MYCBP2: variants seen among roughly 807,000 people sequenced by gnomAD.
The protein encoded by MYCBP2 is MYC binding protein 2, also known as E3 ubiquitin-protein ligase MYCBP2.
MYCBP2 carries 120 observed loss-of-function variants against 525.3 expected under a neutral mutation model. That is an observed-to-expected ratio of 0.23 (90% CI 0.20 to 0.27). The LOEUF (loss-of-function observed/expected upper bound fraction) is 0.27, where lower values mean the gene tolerates loss of function less well. Ranked by LOEUF, MYCBP2 falls within the 10% of genes least tolerant of loss-of-function variation. The probability of loss-of-function intolerance (pLI) is 1.00; values close to 1 mark genes in which losing one functional copy is unlikely to be tolerated. For missense variants in MYCBP2, 4,149 were observed against 5,657.1 expected (o/e 0.73, Z 8.55); for synonymous variants, 1,894 against 1,955.8 (o/e 0.97, Z 0.83).
chr13:77,190,526 C>T (rs757806724), intron 28 of MYCBP2, among the ~76,000 whole-genome samples, 191 bp from the exon 29 acceptor site: 4 of 152,146 alleles, frequency 2.6e-5, no homozygotes, highest in Non-Finnish European at 5.9e-5. Flanking sequence ...AAGAACTGAA[C>T]GTGATTAGGA....
intron 57 of MYCBP2, 138 bp from the exon 58 acceptor site, chr13:77,095,740 A>G (rs746941527): frequency 1.1e-5 from 12 of 1,097,020 alleles, no homozygotes; most frequent in South Asian, 1.0e-4. Context: ...ATTATAAAAA[A>G]CAACATTCAT....
intron 1 of MYCBP2, among the ~76,000 whole-genome samples, chr13:77,323,294 C>G (rs1034026728): frequency 6.6e-6 from 1 of 152,212 alleles, no homozygotes; most frequent in African/African-American, 2.4e-5. Context: ...TCACTGAGTC[C>G]ATTAGGTTTG....
chr13:77,046,525 T>C (rs893612922), intron 82 of MYCBP2, among the ~76,000 whole-genome samples: 1 of 152,222 alleles, frequency 6.6e-6, no homozygotes, highest in Non-Finnish European at 1.5e-5. Flanking sequence ...GAAACCATGA[T>C]GGATAAAAGG....
At chr13:77,256,322 G>C (rs2072187786) in intron 14 of MYCBP2, among the ~76,000 whole-genome samples, 1 of 151,964 alleles carries the variant, frequency 6.6e-6, no homozygotes, top group African/African-American at 2.4e-5. Flanking sequence ...GTTTGGAAAA[G>C]ACTTTTCTGG....
chr13:77,090,321 A>G (rs2045177228), intron 59 of MYCBP2, 58 bp from the exon 60 acceptor site: 12 of 1,416,678 alleles, frequency 8.5e-6, no homozygotes, highest in Non-Finnish European at 2.8e-6. Context: ...AAATGTAACT[A>G]TACTTATAAT....
intron 80 of MYCBP2, among the ~76,000 whole-genome samples, chr13:77,055,163 T>G (rs1235949273): frequency 6.7e-6 from 1 of 149,430 alleles, no homozygotes; most frequent in Non-Finnish European, 1.5e-5. Context: ...TAGTTAAAGA[T>G]AAATGACTAG....
chr13:77,131,907 G>A (rs970963254), intron 52 of MYCBP2, among the ~76,000 whole-genome samples: 1 of 152,030 alleles, frequency 6.6e-6, no homozygotes, highest in African/African-American at 2.4e-5. Flanking sequence ...TTATCACAGT[G>A]AAAATAAGTG....
chr13:77,189,709 T>C (rs561306325), intron 29 of MYCBP2, among the ~76,000 whole-genome samples: 1 of 152,332 alleles, frequency 6.6e-6, no homozygotes, highest in East Asian at 1.9e-4. Context: ...CCTTTATACA[T>C]GCTTAAATTA....
rs1347927067 is a variant in MYCBP2 at position 77,180,280 on chromosome 13, T to G, written c.4980A>C (p.Glu1660Asp). Reference sequence around the variant, plus strand: ...CAATGACCAGCATTTTCTCCAGAACTTCACGGAAGCTTGTCATCCCTGAGA... The same window carrying G: ...CAATGACCAGCATTTTCTCCAGAACGTCACGGAAGCTTGTCATCCCTGAGA... ...ENISGMTSFR[E>D]VLEKMLVIVV... is the part of the protein sequence containing the mutation. Residue 1660 changes from glutamate to aspartate, a missense_variant, in exon 34 of 83, where the codon GAA (glutamate) becomes GAC (aspartate). Glu to Asp is a conservative substitution (Grantham distance 45, BLOSUM62 2). Transcript: ENST00000544440. 2.5e-6 allele frequency: 4 copies of G among 1,614,170 alleles called. No homozygotes were observed. The highest frequency in any genetic ancestry group is 3.4e-6 in the Non-Finnish European group (4 of 1,180,002).
At position 77,065,543 on chromosome 13, in the gene MYCBP2, C is replaced by T. The variant is rs184033131; in HGVS notation, c.12552+449G>A. On this transcript the variant is annotated intron_variant, in intron 72 of 82. Transcript: ENST00000544440. ...ATTCTGTAAAGTAACTCCCTGTCCT[C>T]CACACTCCCAGATCTCCTTTGGAAG... 2.6e-5 allele frequency among the ~76,000 whole-genome samples: 4 copies of T among 152,248 alleles called. No individual in the cohort carries two copies. The East Asian group carries it at 5.8e-4, about 22-fold the overall frequency.
intron 15 of MYCBP2, among the ~76,000 whole-genome samples, chr13:77,250,465 T>C (rs2071000016): frequency 1.3e-5 from 2 of 152,198 alleles, no homozygotes; most frequent in Admixed American, 1.3e-4. Flanking sequence ...CAGCCAATTA[T>C]TACAAAGCTG....
intron 2 of MYCBP2, among the ~76,000 whole-genome samples, chr13:77,288,906 T>G (rs1184309526): frequency 6.6e-6 from 1 of 152,206 alleles, no homozygotes; most frequent in African/African-American, 2.4e-5. Context: ...GATGCTTCCC[T>G]AAGCTCTCTC....
At chr13:77,073,316 C>A (rs1390898044) in intron 68 of MYCBP2, among the ~76,000 whole-genome samples, 2 of 152,010 alleles carry the variant, frequency 1.3e-5, no homozygotes, top group African/African-American at 4.8e-5. Flanking sequence ...AGAGTTAAGA[C>A]CAGGTCTCTT....
At chr13:77,267,186 C>T (rs1399759104) in intron 8 of MYCBP2, among the ~76,000 whole-genome samples, 3 of 151,692 alleles carry the variant, frequency 2.0e-5, no homozygotes, top group Non-Finnish European at 4.4e-5. Context: ...TGCATTTTTC[C>T]AGCATTCATC....
At chr13:77,234,989 G>T (rs2154304928) in intron 17 of MYCBP2, among the ~76,000 whole-genome samples, 1 of 151,992 alleles carries the variant, frequency 6.6e-6, no homozygotes, top group African/African-American at 2.4e-5. Context: ...AAGGCACGGG[G>T]GCAATCATGT....
In MYCBP2 at chr13:77,233,515, T is replaced by G. The variant is rs553002397; in HGVS notation, c.2630-252A>C. On this transcript the variant is annotated intron_variant, in intron 17 of 82. Coordinates refer to ENST00000544440, the MANE Select transcript of MYCBP2 (RefSeq NM_015057.5). ...CCGTCTTGTATACTCATAAAATTAT[T>G]GTGTAGTTACTAATAGTCTCAAATA... is the stretch of plus-strand genomic sequence containing the variant. Among the ~76,000 whole-genome samples, 20 of 151,610 alleles carry G rather than the reference T, an allele frequency of 1.3e-4. No individual in the cohort carries two copies. In the South Asian group the frequency reaches 4.0e-3, roughly 30 times the overall value.
intron 7 of MYCBP2, among the ~76,000 whole-genome samples, chr13:77,269,068 G>A (rs1272578157): frequency 1.3e-5 from 2 of 152,122 alleles, no homozygotes; most frequent in Non-Finnish European, 2.9e-5. Flanking sequence ...TTCTCCATAA[G>A]AGGAGTAATG....
intron 38 of MYCBP2, among the ~76,000 whole-genome samples, chr13:77,170,418 C>T (rs941969104): frequency 2.0e-5 from 3 of 152,130 alleles, no homozygotes; most frequent in Admixed American, 1.3e-4. Context: ...GCTGTTATAT[C>T]AAAACAGGCT....
At position 77,160,841 on chromosome 13, in the gene MYCBP2, C is replaced by A. The variant is rs184685941; in HGVS notation, c.6597+1065G>T. Among the ~76,000 whole-genome samples the A allele has an allele frequency of 4.1e-3, 626 of 152,270 alleles. 4 individuals are homozygous for A. Among genetic ancestry groups the A allele is most frequent in the African/African-American group, 0.014 (586 of 41,564 alleles). On this transcript the variant is annotated intron_variant, in intron 44 of 82. Coordinates refer to ENST00000544440, the MANE Select transcript of MYCBP2 (RefSeq NM_015057.5). ...TATAACAGAGTCTTCCATTCTAAGA[C>A]CTTTCCATCTGGGGCTATTAAAATG...
Sources: gnomAD v4.1 joint callset for allele counts (sites outside exome capture counted in the v4.1 genomes callset) on GRCh38, gnomAD v4.1.1 for gene constraint, MANE v1.5 for transcripts, NCBI Gene and HGNC (gene_info 2026-07-23, HGNC 2026-07-21) for gene names.